Variants in MINDY4 observed in about 807,000 individuals in gnomAD.
The protein encoded by MINDY4 is MINDY lysine 48 deubiquitinase 4, also known as probable ubiquitin carboxyl-terminal hydrolase MINDY-4.
In MINDY4, 68 loss-of-function variants were observed where a neutral mutation model predicts 87.0. The observed-to-expected ratio is 0.78, with a 90% CI of 0.64 to 0.96. The LOEUF (loss-of-function observed/expected upper bound fraction) is 0.96, where lower values mean the gene tolerates loss of function less well. Ranked by LOEUF, MINDY4 falls within the 40% of genes least tolerant of loss-of-function variation. The probability of loss-of-function intolerance (pLI) is 0.00; values close to 1 mark genes in which losing one functional copy is unlikely to be tolerated. For synonymous variants in MINDY4, 379 were observed against 363.2 expected (o/e 1.04, Z -0.50); for missense variants, 919 against 928.2 (o/e 0.99, Z 0.13).
chr7:30,827,333 C>A (rs558216546), intron 5 of MINDY4, among the ~76,000 whole-genome samples: 70 of 152,262 alleles, frequency 4.6e-4, no homozygotes, highest in Non-Finnish European at 8.5e-4. Flanking sequence ...ACGGGATAGG[C>A]AGGGTAGAAC....
chr7:30,850,381 A>G (rs959673715), intron 9 of MINDY4, 73 bp from the exon 10 acceptor site: 1 of 1,402,630 alleles, frequency 7.1e-7, no homozygotes, highest in Non-Finnish European at 9.9e-7. Context: ...CTGCCTGACC[A>G]CACTAAGTAG....
intron 12 of MINDY4, 42 bp downstream of exon 12, chr7:30,853,501 G>A: frequency 2.0e-6 from 3 of 1,500,942 alleles, no homozygotes; most frequent in Non-Finnish European, 2.8e-6. Flanking sequence ...GCGTCACTAA[G>A]CCTTCTGATT....
At chr7:30,840,918 G>A (rs987717641) in intron 9 of MINDY4, 70 bp downstream of exon 9, 35 of 1,367,714 alleles carry the variant, frequency 2.6e-5, no homozygotes, top group Non-Finnish European at 3.5e-5. Context: ...GAAAAAACAA[G>A]CAAGGAAGCA....
chr7:30,891,857 T>A (rs1189566415), intron 17 of MINDY4, 100 bp from the exon 18 acceptor site: 10 of 1,241,852 alleles, frequency 8.1e-6, no homozygotes, highest in Non-Finnish European at 1.1e-5. Context: ...ATTCAAAGCC[T>A]CCAAGACAAA....
intron 1 of MINDY4, among the ~76,000 whole-genome samples, chr7:30,772,259 T>C (rs1199216469): frequency 1.3e-5 from 2 of 152,134 alleles, no homozygotes; most frequent in Non-Finnish European, 2.9e-5. Context: ...GGCTGCACTC[T>C]GTGTGTTTTG....
chr7:30,775,686 G>A (rs559890202), intron 1 of MINDY4, among the ~76,000 whole-genome samples: 11 of 152,276 alleles, frequency 7.2e-5, no homozygotes, highest in Admixed American at 6.5e-4. Context: ...CCCCCATCCT[G>A]AAGCTATCTA....
intron 1 of MINDY4, among the ~76,000 whole-genome samples, chr7:30,778,158 A>G (rs539053340): frequency 8.5e-5 from 13 of 152,236 alleles, no homozygotes; most frequent in South Asian, 4.1e-4. Flanking sequence ...TTCATATACT[A>G]TGGTTCCAAA....
At chr7:30,884,271 T>G (rs1790564595) in intron 17 of MINDY4, among the ~76,000 whole-genome samples, 1 of 152,092 alleles carries the variant, frequency 6.6e-6, no homozygotes, top group Non-Finnish European at 1.5e-5. Context: ...CGCCGAGACA[T>G]CCTCGACATG....
intron 15 of MINDY4, among the ~76,000 whole-genome samples, chr7:30,879,670 G>A (rs138243647): frequency 1.1e-4 from 17 of 152,284 alleles, no homozygotes; most frequent in East Asian, 5.8e-4. Flanking sequence ...TGACTTAAAC[G>A]TTACTTCCTA....
chr7:30,778,658 C>T, intron 2 of MINDY4, 107 bp downstream of exon 2: 1 of 1,328,600 alleles, frequency 7.5e-7, no homozygotes, highest in Non-Finnish European at 1.1e-6. Context: ...TTCTCCTGGC[C>T]TGTCACACTT....
At chr7:30,853,902 G>C (rs944569314) in intron 12 of MINDY4, among the ~76,000 whole-genome samples, 1 of 152,228 alleles carries the variant, frequency 6.6e-6, no homozygotes, top group African/African-American at 2.4e-5. Context: ...GTGGGTTGGA[G>C]GGCTTAGCAG....
chr7:30,843,022 C>T (rs777902351), intron 9 of MINDY4, among the ~76,000 whole-genome samples: 4 of 152,130 alleles, frequency 2.6e-5, no homozygotes, highest in Non-Finnish European at 5.9e-5. Context: ...ATATGGTTAC[C>T]TGTCCACATC....
At chr7:30,800,115 G>A (rs1787603432) in intron 5 of MINDY4, among the ~76,000 whole-genome samples, 1 of 152,180 alleles carries the variant, frequency 6.6e-6, no homozygotes, top group East Asian at 1.9e-4. Context: ...GACAGCAGCT[G>A]GGAAGTATTT....
At chr7:30,855,396 G>A (rs1046707025) in intron 12 of MINDY4, among the ~76,000 whole-genome samples, 7 of 152,204 alleles carry the variant, frequency 4.6e-5, no homozygotes, top group African/African-American at 1.4e-4. Flanking sequence ...CAGGAGAGGC[G>A]AGCAGAGCCT....
chr7:30,872,568 C>G (rs1182252558), intron 14 of MINDY4, among the ~76,000 whole-genome samples: 1 of 152,170 alleles, frequency 6.6e-6, no homozygotes, highest in Admixed American at 6.5e-5. Context: ...GCAGAGGATG[C>G]AAAAGAGGCT....
chr7:30,780,059 C>G lies in MINDY4; in HGVS notation c.183+1508C>G, dbSNP rs147036965. 1.5e-4 allele frequency: 23 copies of G among 152,330 alleles called. No individual in the cohort carries two copies. The East Asian group carries it at 4.4e-3, about 29-fold the overall frequency. 9.4% of individuals were successfully genotyped at this position (152,330 alleles called of 1,614,324 possible). A position where few individuals can be genotyped will look rare whatever the true frequency, so the allele number is the denominator to read the frequency against. On this transcript the variant is annotated intron_variant, in intron 2 of 17. Coordinates refer to ENST00000265299, the MANE Select transcript of MINDY4 (RefSeq NM_032222.3). ...TTGCTCCCCTTTGAGGAGAAGTAGG[C>G]AATGGCAGCCCCGTGAAGTCTATCA...
chr7:30,794,267 C>G (rs2128169146), intron 5 of MINDY4, among the ~76,000 whole-genome samples: 1 of 152,282 alleles, frequency 6.6e-6, no homozygotes, highest in East Asian at 1.9e-4. Context: ...ACATGGGTCT[C>G]AGTCCTAGTG....
At chr7:30,852,855 C>T (rs1202539238) in intron 11 of MINDY4, among the ~76,000 whole-genome samples, 6 of 152,210 alleles carry the variant, frequency 3.9e-5, no homozygotes, top group South Asian at 4.1e-4. Context: ...CATTTGACCT[C>T]GGTTTGGGCA....
rs376690971 is a variant in MINDY4, at chr7:30,863,843, C to T, written c.1745+4519C>T. ...CTTTTCTAAGATCTCGAATTGCTTC[C>T]GGTAAATCTCATGCAGGATTTCATG... On this transcript the variant is annotated intron_variant, in intron 13 of 17. Coordinates refer to ENST00000265299, the MANE Select transcript of MINDY4 (RefSeq NM_032222.3). Among the ~76,000 whole-genome samples the T allele has an allele frequency of 1.2e-4, 19 of 152,328 alleles. No homozygotes were observed. The East Asian group carries it at 2.3e-3, about 19-fold the overall frequency.
Sources: allele counts gnomAD v4.1 joint callset (sites outside exome capture counted in the v4.1 genomes callset), GRCh38; gene constraint gnomAD v4.1.1; transcripts MANE v1.5; gene names NCBI Gene and HGNC (gene_info 2026-07-23, HGNC 2026-07-21).